The following PPP4R4 variants were observed in gnomAD, a reference collection of about 807,000 sequenced individuals.
The protein encoded by PPP4R4 is protein phosphatase 4 regulatory subunit 4, also known as serine/threonine-protein phosphatase 4 regulatory subunit 4.
PPP4R4 carries 70 observed loss-of-function variants against 121.8 expected under a neutral mutation model. The observed-to-expected ratio is 0.57, with a 90% confidence interval of 0.47 to 0.70. The LOEUF is 0.70. PPP4R4 is among the 30% of genes least tolerant of loss of function. PPP4R4 has a pLI of 0.00. For missense variants in PPP4R4, 875 were observed against 1,033.6 expected, an observed-to-expected ratio of 0.85 and a Z score of 2.10; for synonymous variants, 348 against 355.7, an observed-to-expected ratio of 0.98 and a Z score of 0.24.
chr14:94,231,548 T>A (rs1486908360), intron 5 of PPP4R4, among the ~76,000 whole-genome samples: 3 of 152,322 alleles, frequency 2.0e-5, no homozygotes, highest in Admixed American at 6.5e-5. Context: ...TCAGATTTTT[T>A]TCCTATATAT....
chr14:94,245,522 A>G, intron 12 of PPP4R4, 65 bp from the exon 13 acceptor site: 1 of 824,910 alleles, frequency 1.2e-6, no homozygotes, highest in Non-Finnish European at 1.8e-6. Flanking sequence ...AGAAATTGAC[A>G]TGTAGAATTA....
Position 94,227,873 on chromosome 14 carries a change from T to C in PPP4R4, c.295-2714T>C, listed in dbSNP as rs888806666. 21 of 985,362 alleles carry C rather than the reference T, an allele frequency of 2.1e-5. No individual in the cohort carries two copies. The African/African-American group carries it at 3.5e-4, about 16-fold the overall frequency. 61.0% of individuals were successfully genotyped at this position (985,362 alleles called of 1,614,324 possible). A position where few individuals can be genotyped will look rare whatever the true frequency, so the allele number is the denominator to read the frequency against. On this transcript the variant is annotated intron_variant, in intron 3 of 24. Transcript: ENST00000304338. ...CTGTAAGTGATGTATACTGGCCACA[T>C]CAAATCTTTTAAAAGTGTTTTCCAA...
chr14:94,233,217 A>G (rs1365292006), intron 5 of PPP4R4, among the ~76,000 whole-genome samples: 2 of 152,190 alleles, frequency 1.3e-5, no homozygotes, highest in African/African-American at 4.8e-5. Context: ...GGCTTATTGT[A>G]CTCAAATGAC....
chr14:94,198,422 C>G (rs1447043684), intron 2 of PPP4R4, among the ~76,000 whole-genome samples: 1 of 152,112 alleles, frequency 6.6e-6, no homozygotes, highest in Non-Finnish European at 1.5e-5. Context: ...ATTCTAGATA[C>G]AAGTTGTTTG....
chr14:94,174,738 G>C (rs1016025599), intron 1 of PPP4R4, among the ~76,000 whole-genome samples, 156 bp downstream of exon 1: 1 of 147,182 alleles, frequency 6.8e-6, no homozygotes, highest in Non-Finnish European at 1.5e-5. Flanking sequence ...CCCTCTTGCC[G>C]TGTCGCCCTA....
Position 94,278,729 on chromosome 14 carries a change from T to C in PPP4R4, c.*86T>C. On this transcript the variant is annotated 3_prime_UTR_variant, in exon 25 of 25. Coordinates refer to ENST00000304338, the MANE Select transcript of PPP4R4 (RefSeq NM_058237.2). ...AAAAGCTAAAGCAGTGGCTGGGGCT[T>C]TGTTTTTAAATTTTGGGTTTTTTTT... 7.5e-7 allele frequency: 1 copy of C among 1,333,930 alleles called. No homozygotes were observed. The highest frequency in any genetic ancestry group is 9.9e-7 in the Non-Finnish European group (1 of 1,011,086). 82.6% of individuals were successfully genotyped at this position (1,333,930 alleles called of 1,614,324 possible).
intron 2 of PPP4R4, among the ~76,000 whole-genome samples, chr14:94,186,357 A>G (rs755996331): frequency 1.3e-5 from 2 of 152,186 alleles, no homozygotes; most frequent in Non-Finnish European, 2.9e-5. Flanking sequence ...AATGGATCAT[A>G]CAGTCTACTC....
At chr14:94,265,770 T>C (rs3827899) in intron 21 of PPP4R4, 24 bp from the exon 22 acceptor site, 666,679 of 1,512,728 alleles carry the variant, frequency 0.44, 157,699 homozygotes, top group African/African-American at 0.83. Flanking sequence ...AATACATTTT[T>C]CTTTTTTCTG....
At chr14:94,278,559 C>A in intron 24 of PPP4R4, 60 bp from the exon 25 acceptor site, 1 of 1,193,716 alleles carries the variant, frequency 8.4e-7, no homozygotes, top group South Asian at 1.5e-5. Context: ...TCTTTTTCTC[C>A]CTTTCTCACT....
At chr14:94,245,719 A>G in intron 13 of PPP4R4, 49 bp downstream of exon 13, 1 of 1,355,402 alleles carries the variant, frequency 7.4e-7, no homozygotes, top group Non-Finnish European at 1.0e-6. Context: ...ATATTATCCT[A>G]CTCTACAGGG....
At chr14:94,179,324 A>T (rs181674767) in intron 2 of PPP4R4, among the ~76,000 whole-genome samples, 1 of 152,210 alleles carries the variant, frequency 6.6e-6, no homozygotes, top group Non-Finnish European at 1.5e-5. Context: ...CATACAGTAT[A>T]TGGCCTTTTG....
At position 94,259,383 on chromosome 14, in the gene PPP4R4, A is replaced by G. The variant is rs1595535943; in HGVS notation, c.2127+14A>G. 3 of 1,597,540 alleles carry G rather than the reference A, an allele frequency of 1.9e-6. No homozygotes were observed. Among genetic ancestry groups the G allele is most frequent in the Non-Finnish European group, 8.5e-7 (1 of 1,174,808 alleles). On this transcript the variant is annotated intron_variant, in intron 19 of 24. Transcript: ENST00000304338. Reference sequence around the variant, plus strand: ...CTTTTGGAAATGGTATGTTGTTTTCACATGCACACACATATACTCTTTTCT... The same window carrying G: ...CTTTTGGAAATGGTATGTTGTTTTCGCATGCACACACATATACTCTTTTCT...
intron 3 of PPP4R4, among the ~76,000 whole-genome samples, chr14:94,216,033 C>T (rs1403765889): frequency 2.6e-5 from 4 of 152,184 alleles, no homozygotes; most frequent in African/African-American, 9.7e-5. Flanking sequence ...GCTTCCTAGT[C>T]ATTCAGTCAT....
intron 9 of PPP4R4, 122 bp downstream of exon 9, chr14:94,240,917 T>A: frequency 8.3e-7 from 1 of 1,206,724 alleles, no homozygotes; most frequent in Non-Finnish European, 1.1e-6. Context: ...TATAAAAATC[T>A]TATGAGATCT....
At chr14:94,268,643 C>T (rs60231449) in intron 23 of PPP4R4, among the ~76,000 whole-genome samples, 2,920 of 152,240 alleles carry the variant, frequency 0.019, 90 homozygotes, top group African/African-American at 0.066. Context: ...CAGTTCCACA[C>T]GGCTGGGGAG....
At chr14:94,176,501 G>A (rs1335009315) in intron 2 of PPP4R4, among the ~76,000 whole-genome samples, 1 of 152,142 alleles carries the variant, frequency 6.6e-6, no homozygotes, top group African/African-American at 2.4e-5. Context: ...CATTATACGG[G>A]ATCTACTATA....
rs1311867856 is a variant in PPP4R4 at position 94,230,790 on chromosome 14, C to T, written c.442+56C>T. On this transcript the variant is annotated intron_variant, in intron 4 of 24. Coordinates refer to ENST00000304338, the MANE Select transcript of PPP4R4 (RefSeq NM_058237.2). The stretch of plus-strand genomic sequence containing the variant: ...TTGTTTATTGTTTTTTTGTGTATGG[C>T]CATGATATTATATAAATACTGTTAG... 3 of 1,507,164 alleles carry T rather than the reference C, an allele frequency of 2.0e-6. No individual in the cohort carries two copies. The African/African-American group carries it at 4.2e-5, about 21-fold the overall frequency. The allele number at this position is 1,507,164 out of a possible 1,614,324, so 93.4% of individuals were successfully genotyped here. A position where few individuals can be genotyped will look rare whatever the true frequency, so the allele number is the denominator to read the frequency against.
intron 3 of PPP4R4, among the ~76,000 whole-genome samples, chr14:94,213,337 C>G (rs1352491034): frequency 6.6e-6 from 1 of 152,154 alleles, no homozygotes; most frequent in African/African-American, 2.4e-5. Context: ...GAGTCTGTTG[C>G]TTCCATTTTG....
At chr14:94,245,769 T>A in intron 13 of PPP4R4, 99 bp downstream of exon 13, 2 of 791,472 alleles carry the variant, frequency 2.5e-6, no homozygotes, top group Non-Finnish European at 4.0e-6. Context: ...GGAAAACTTG[T>A]AAAATAGTGC....
Sources: allele counts gnomAD v4.1 joint callset (sites outside exome capture counted in the v4.1 genomes callset), GRCh38; gene constraint gnomAD v4.1.1; transcripts MANE v1.5; gene names NCBI Gene and HGNC (gene_info 2026-07-23, HGNC 2026-07-21).